TEX30: variants seen among roughly 807,000 people sequenced by gnomAD.
TEX30 encodes testis-expressed protein 30.
TEX30 carries 14 observed loss-of-function variants against 23.8 expected under a neutral mutation model. The ratio of observed to expected loss-of-function variants is 0.59; its 90% CI spans 0.39 to 0.92. The LOEUF (loss-of-function observed/expected upper bound fraction) is 0.92. Among genes scored for constraint, TEX30 ranks in the 40% least tolerant of loss-of-function variants. The probability of loss-of-function intolerance (pLI) is 0.00; values close to 1 mark genes in which losing one functional copy is unlikely to be tolerated. For synonymous variants in TEX30, 78 were observed against 90.2 expected, an observed-to-expected ratio of 0.87 and a Z score of 0.76; for missense variants, 246 against 270.6, an observed-to-expected ratio of 0.91 and a Z score of 0.64.
chr13:102,768,534 A>C (rs2139032764), intron 3 of TEX30, among the ~76,000 whole-genome samples: 1 of 152,374 alleles, frequency 6.6e-6, no homozygotes, highest in East Asian at 1.9e-4. Context: ...TATGTGAGAA[A>C]AAAAGTCAAT....
intron 5 of TEX30, 100 bp downstream of exon 5, chr13:102,767,173 A>G (rs1187391014): frequency 4.1e-6 from 5 of 1,232,542 alleles, no homozygotes; most frequent in African/African-American, 1.5e-5. Flanking sequence ...TAGTCAAATT[A>G]GCAATTTTTA....
intron 1 of TEX30, among the ~76,000 whole-genome samples, chr13:102,773,044 G>A (rs1269396549): frequency 6.6e-6 from 1 of 152,252 alleles, no homozygotes; most frequent in African/African-American, 2.4e-5. Flanking sequence ...GCGGTCGGCG[G>A]AGTTCTAGGA....
chr13:102,768,166 A>G (rs2139029931), intron 4 of TEX30, 94 bp downstream of exon 4: 1 of 1,124,576 alleles, frequency 8.9e-7, no homozygotes, highest in Non-Finnish European at 1.3e-6. Context: ...AAATCCTTAA[A>G]TTAGCTTCCT....
chr13:102,766,471 A>T lies in TEX30; in HGVS notation c.614T>A (p.Phe205Tyr), dbSNP rs775890957. 6.2e-7 allele frequency: 1 copy of T among 1,614,026 alleles called. No individual in the cohort carries two copies. Among genetic ancestry groups the T allele is most frequent in the Non-Finnish European group, 8.5e-7 (1 of 1,179,960 alleles). ...AVKGRSTNDV[F>Y]KEINTQILFW... ...CAAAATCTGTGTATTTATTTCTTTGAAAACATCATTTGTCGACCGTCCTTT... is the reference window on the plus strand; with the variant it reads ...CAAAATCTGTGTATTTATTTCTTTGTAAACATCATTTGTCGACCGTCCTTT... The change falls in exon 6 of 6, where the codon TTC becomes TAC. Residue 205 changes from phenylalanine to tyrosine, a missense_variant. Transcript: ENST00000376032.
At chr13:102,769,729 T>C (rs1877183406) in intron 2 of TEX30, 188 bp from the exon 3 acceptor site, 10 of 540,962 alleles carry the variant, frequency 1.8e-5, no homozygotes, top group Non-Finnish European at 1.9e-5. Context: ...GCTTTATATG[T>C]ATTAACTTAT....
rs747209864 is a variant in TEX30 at position 102,766,627 on chromosome 13, T to A, written c.505-47A>T. ...TACTAGACTAATGTTCTGTTGATAT[T>A]TAATAAAAGGTCCTCTCTCCCCTGC... On this transcript the variant is annotated intron_variant, in intron 5 of 5. Coordinates refer to ENST00000376032, the MANE Select transcript of TEX30 (RefSeq NM_138779.5). 20 of 1,551,098 alleles carry A rather than the reference T, an allele frequency of 1.3e-5. No individual in the cohort carries two copies. The Admixed American group carries it at 2.1e-4, about 17-fold the overall frequency.
At chr13:102,771,099 A>G (rs1049912886) in intron 1 of TEX30, among the ~76,000 whole-genome samples, 12 of 152,202 alleles carry the variant, frequency 7.9e-5, no homozygotes, top group African/African-American at 2.9e-4. Flanking sequence ...AAGGTAACCA[A>G]TATTATCTGC....
At chr13:102,773,273 G>C (rs1417159571) in intron 1 of TEX30, among the ~76,000 whole-genome samples, 3 of 152,182 alleles carry the variant, frequency 2.0e-5, no homozygotes, top group Non-Finnish European at 4.4e-5. Context: ...CGGGTCTCAC[G>C]GGCGTGCGGG....
intron 5 of TEX30, among the ~76,000 whole-genome samples, chr13:102,767,066 T>C (rs555111479): frequency 6.6e-6 from 1 of 152,330 alleles, no homozygotes; most frequent in South Asian, 2.1e-4. Flanking sequence ...AAGGGTCATA[T>C]TTACCAACTC....
chr13:102,771,195 G>T lies in TEX30; in HGVS notation c.-60-1109C>A, dbSNP rs577501217. On this transcript the variant is annotated intron_variant, in intron 1 of 5. Transcript: ENST00000376032. The stretch of plus-strand genomic sequence containing the variant: ...AAGATAAATTCCTGGGGAAGGAATC[G>T]CTGTGTCAAAGGGTTTGTTCATAAT... Among the ~76,000 whole-genome samples the T allele has an allele frequency of 2.6e-5, 4 of 152,182 alleles. No individual in the cohort carries two copies. In the South Asian group the frequency reaches 8.3e-4, roughly 31 times the overall value.
chr13:102,767,800 C>A (rs1877012279), intron 4 of TEX30, among the ~76,000 whole-genome samples: 1 of 152,116 alleles, frequency 6.6e-6, no homozygotes, highest in Non-Finnish European at 1.5e-5. Context: ...ATAGTCCCAG[C>A]TACTTGGGAG....
chr13:102,769,563 G>T (rs991445359), intron 2 of TEX30, 22 bp from the exon 3 acceptor site: 2 of 1,462,506 alleles, frequency 1.4e-6, no homozygotes, highest in South Asian at 1.3e-5. Flanking sequence ...GAGAATAAAG[G>T]GATCAAAAAT....
At chr13:102,768,233 A>G in intron 4 of TEX30, 27 bp downstream of exon 4, 1 of 1,552,838 alleles carries the variant, frequency 6.4e-7, no homozygotes, top group Non-Finnish European at 8.8e-7. Context: ...CAGGTAATTA[A>G]CAAGTATTCA....
Position 102,766,212 on chromosome 13 carries a change from A to G in TEX30, c.*189T>C. 1 of 427,990 alleles carries G rather than the reference A, an allele frequency of 2.3e-6. No individual in the cohort carries two copies. Among genetic ancestry groups the G allele is most frequent in the Non-Finnish European group, 4.1e-6 (1 of 246,232 alleles). 26.5% of individuals were successfully genotyped at this position (427,990 alleles called of 1,614,324 possible). On this transcript the variant is annotated 3_prime_UTR_variant, in exon 6 of 6. Transcript: ENST00000376032. ...CCTTCAATATTTTTACATCATCTTT[A>G]TACAACTGTAACAGTGCTTTCAAAA...
At chr13:102,766,869 C>T (rs534593251) in intron 5 of TEX30, among the ~76,000 whole-genome samples, 41 of 152,224 alleles carry the variant, frequency 2.7e-4, no homozygotes, top group African/African-American at 9.9e-4. Flanking sequence ...ATTATATGCC[C>T]TGGGGAATAT....
chr13:102,772,279 A>C (rs1289064727), intron 1 of TEX30, among the ~76,000 whole-genome samples: 1 of 151,964 alleles, frequency 6.6e-6, no homozygotes, highest in Non-Finnish European at 1.5e-5. Context: ...AGTAGGTGGG[A>C]CTACAGACGC....
intron 2 of TEX30, 120 bp downstream of exon 2, chr13:102,769,892 C>A: frequency 1.2e-6 from 1 of 869,366 alleles, no homozygotes; most frequent in Non-Finnish European, 1.6e-6. Context: ...CGCTCTTAAC[C>A]ACTTATGCTA....
chr13:102,768,150 CAAAA>C (rs931073062), intron 4 of TEX30, 106 bp downstream of exon 4: 67 of 962,372 alleles, frequency 7.0e-5, no homozygotes, highest in Non-Finnish European at 1.0e-4. Context: ...ACCAAAACAA[CAAAA>C]AAAATCCTTA....
chr13:102,772,645 G>T (rs1473976388), intron 1 of TEX30, among the ~76,000 whole-genome samples: 1 of 152,094 alleles, frequency 6.6e-6, no homozygotes, highest in African/African-American at 2.4e-5. Context: ...GCGCGATCTC[G>T]GCTCACTGCA....
Sources: gnomAD v4.1 joint callset for allele counts (sites outside exome capture counted in the v4.1 genomes callset) on GRCh38, gnomAD v4.1.1 for gene constraint, MANE v1.5 for transcripts, NCBI Gene and HGNC (gene_info 2026-07-23, HGNC 2026-07-21) for gene names.